The following NUMB variants were observed in gnomAD, a reference collection of about 807,000 sequenced individuals.
The protein encoded by NUMB is protein numb homolog.
Under a neutral mutation model 59.7 loss-of-function variants are expected in NUMB, and 29 were observed. That is an observed-to-expected ratio of 0.49 (90% CI 0.36 to 0.66). The LOEUF (loss-of-function observed/expected upper bound fraction) is 0.66. NUMB is among the 30% of genes least tolerant of loss of function. The pLI, the probability that NUMB is intolerant of heterozygous loss-of-function variation, is 0.00. For synonymous variants in NUMB, 288 were observed against 288.2 expected (o/e 1.00, Z 0.01); for missense variants, 723 against 822.0 (o/e 0.88, Z 1.47).
chr14:73,327,990 A>G (rs1438579297), intron 4 of NUMB, among the ~76,000 whole-genome samples: 1 of 152,068 alleles, frequency 6.6e-6, no homozygotes, highest in African/African-American at 2.4e-5. Flanking sequence ...GAATTATCAT[A>G]TTGGCTGGGC....
intron 2 of NUMB, among the ~76,000 whole-genome samples, chr14:73,385,496 CTTTTTT>C (rs35526624): frequency 1.5e-5 from 1 of 65,348 alleles, no homozygotes; most frequent in Middle Eastern, 0.011. Context: ...GGCTAGTGGC[CTTTTTT>C]TTTTTTTTTT....
At chr14:73,457,273 C>T (rs1184862853) in intron 1 of NUMB, among the ~76,000 whole-genome samples, 2 of 152,158 alleles carry the variant, frequency 1.3e-5, no homozygotes, top group Non-Finnish European at 2.9e-5. Context: ...GTCAATGAAC[C>T]TATTTCCTAA....
intron 1 of NUMB, among the ~76,000 whole-genome samples, chr14:73,448,504 T>C (rs1364728162): frequency 6.6e-6 from 1 of 152,164 alleles, no homozygotes; most frequent in Non-Finnish European, 1.5e-5. Flanking sequence ...TTTTAACAGC[T>C]TTCTACAAAT....
chr14:73,333,291 A>G (rs1369583354), intron 4 of NUMB, among the ~76,000 whole-genome samples: 1 of 152,210 alleles, frequency 6.6e-6, no homozygotes, highest in Admixed American at 6.5e-5. Flanking sequence ...AGCGAGTGTG[A>G]AGTGGTATCT....
At chr14:73,421,750 C>T (rs988380088) in intron 1 of NUMB, among the ~76,000 whole-genome samples, 1 of 152,110 alleles carries the variant, frequency 6.6e-6, no homozygotes, top group African/African-American at 2.4e-5. Flanking sequence ...CAGGTTAATA[C>T]TCAGTAGTTA....
intron 4 of NUMB, among the ~76,000 whole-genome samples, chr14:73,343,920 G>A (rs751031681): frequency 6.6e-5 from 10 of 152,102 alleles, no homozygotes; most frequent in African/African-American, 1.4e-4. Context: ...AATAGTATTC[G>A]TGTGAAATGA....
At chr14:73,340,758 A>T (rs932296192) in intron 4 of NUMB, among the ~76,000 whole-genome samples, 6 of 152,258 alleles carry the variant, frequency 3.9e-5, no homozygotes, top group African/African-American at 1.4e-4. Flanking sequence ...ACAGAATAGG[A>T]GATTTAATTA....
Position 73,352,459 on chromosome 14 carries a change from TACACAC to T in NUMB, c.126+3161_126+3166del, listed in dbSNP as rs60134093. On this transcript the variant is annotated intron_variant, in intron 4 of 12. Transcript: ENST00000555238. ...ACACACACACACACACACACACACA[TACACAC>T]ACACACACACACATATATATATATA... Among the ~76,000 whole-genome samples, 109 of 19,474 alleles carry T rather than the reference TACACAC, an allele frequency of 5.6e-3. 2 individuals are homozygous for T. Among genetic ancestry groups the T allele is most frequent in the African/African-American group, 0.021 (99 of 4,780 alleles). 12.8% of individuals were successfully genotyped at this position (19,474 alleles called of 152,430 possible). A position where few individuals can be genotyped will look rare whatever the true frequency, so the allele number is the denominator to read the frequency against.
chr14:73,433,431 T>A (rs1022167275), intron 1 of NUMB, among the ~76,000 whole-genome samples: 1 of 151,622 alleles, frequency 6.6e-6, no homozygotes, highest in Non-Finnish European at 1.5e-5. Flanking sequence ...CAAAAAAAAA[T>A]TTTTTTAAAG....
At chr14:73,333,206 T>C (rs1892089458) in intron 4 of NUMB, among the ~76,000 whole-genome samples, 1 of 152,202 alleles carries the variant, frequency 6.6e-6, no homozygotes, top group Non-Finnish European at 1.5e-5. Flanking sequence ...ACCAGCAATG[T>C]ATGAGAGCTC....
At chr14:73,279,184 TTCC>T in intron 12 of NUMB, 94 bp downstream of exon 12, 1 of 1,371,598 alleles carries the variant, frequency 7.3e-7, no homozygotes, top group Non-Finnish European at 1.0e-6. Flanking sequence ...CCTGAAAGGA[TTCC>T]TCCCTAGTTC....
chr14:73,423,966 C>CAAAAAAAAAA (rs34582645), intron 1 of NUMB, among the ~76,000 whole-genome samples: 1 of 74,300 alleles, frequency 1.3e-5, no homozygotes, highest in African/African-American at 4.7e-5. Context: ...ACCCTGTCTC[C>CAAAAAAAAAA]AAAAAAAAAA....
chr14:73,281,121 T>G (rs1888609938), intron 11 of NUMB, among the ~76,000 whole-genome samples: 1 of 152,184 alleles, frequency 6.6e-6, no homozygotes, highest in Non-Finnish European at 1.5e-5. Context: ...AATATTCAAT[T>G]TTGCACACTT....
chr14:73,457,438 C>T (rs978669315), intron 1 of NUMB, among the ~76,000 whole-genome samples: 12 of 152,260 alleles, frequency 7.9e-5, no homozygotes, highest in African/African-American at 2.4e-4. Context: ...CTACATGGCT[C>T]CACTGTTAAT....
intron 3 of NUMB, among the ~76,000 whole-genome samples, chr14:73,360,006 A>G (rs763367154): frequency 6.6e-6 from 1 of 152,210 alleles, no homozygotes; most frequent in South Asian, 2.1e-4. Context: ...AGCATAAGCC[A>G]CTAGTATTTA....
intron 5 of NUMB, among the ~76,000 whole-genome samples, chr14:73,320,453 G>C (rs1176576460): frequency 6.6e-6 from 1 of 152,090 alleles, no homozygotes; most frequent in African/African-American, 2.4e-5. Flanking sequence ...GGCTGGTCTT[G>C]AACTCCTGGC....
At chr14:73,421,981 A>G (rs1275620645) in intron 1 of NUMB, among the ~76,000 whole-genome samples, 2 of 152,102 alleles carry the variant, frequency 1.3e-5, no homozygotes, top group Non-Finnish European at 2.9e-5. Flanking sequence ...TCTACTAAAA[A>G]TACAAAAAAT....
At chr14:73,420,663 T>C (rs769028225) in intron 1 of NUMB, among the ~76,000 whole-genome samples, 2 of 152,068 alleles carry the variant, frequency 1.3e-5, no homozygotes, top group Non-Finnish European at 2.9e-5. Flanking sequence ...CTACGAAATA[T>C]ACAAAAATCA....
At chr14:73,432,869 A>G (rs1897890556) in intron 1 of NUMB, among the ~76,000 whole-genome samples, 1 of 152,136 alleles carries the variant, frequency 6.6e-6, no homozygotes, top group South Asian at 2.1e-4. Flanking sequence ...ATGATGAAGA[A>G]TAATTCTGTG....
Sources: gnomAD v4.1 joint callset for allele counts (sites outside exome capture counted in the v4.1 genomes callset) on GRCh38, gnomAD v4.1.1 for gene constraint, MANE v1.5 for transcripts, NCBI Gene and HGNC (gene_info 2026-07-23, HGNC 2026-07-21) for gene names.